Variants in SDK1 observed in about 807,000 individuals in gnomAD.
The protein encoded by SDK1 is protein sidekick-1.
Under a neutral mutation model 245.5 loss-of-function variants are expected in SDK1, and 157 were observed. The observed-to-expected ratio is 0.64, with a 90% CI of 0.56 to 0.73. SDK1 has a LOEUF of 0.73. Ranked by LOEUF, SDK1 falls within the 30% of genes least tolerant of loss-of-function variation. The pLI, the probability that SDK1 is intolerant of heterozygous loss-of-function variation, is 0.00. For synonymous variants in SDK1, 1,647 were observed against 1,278.5 expected (o/e 1.29, Z -6.15); for missense variants, 3,583 against 3,002.3 (o/e 1.19, Z -4.52).
chr7:3,555,675 A>G (rs186951869), intron 1 of SDK1, among the ~76,000 whole-genome samples: 1 of 152,334 alleles, frequency 6.6e-6, no homozygotes, highest in Non-Finnish European at 1.5e-5. Context: ...CATCCATCTG[A>G]CAAGGGATTA....
In SDK1 at chr7:4,242,916, C is replaced by T. The variant is rs951246279; in HGVS notation, c.6251+1003C>T. Reference sequence around the variant, plus strand: ...GGGTGGGCCTTCTCCCAGCCACTGACGCTCTGCCAGCCCCACAGGTGCCAG... The same window carrying T: ...GGGTGGGCCTTCTCCCAGCCACTGATGCTCTGCCAGCCCCACAGGTGCCAG... On this transcript the variant is annotated intron_variant, in intron 43 of 44. Coordinates refer to ENST00000404826, the MANE Select transcript of SDK1 (RefSeq NM_152744.4). 4.6e-5 allele frequency among the ~76,000 whole-genome samples: 7 copies of T among 152,348 alleles called. No homozygotes were observed. In the East Asian group the frequency reaches 5.8e-4, roughly 13 times the overall value.
intron 1 of SDK1, among the ~76,000 whole-genome samples, chr7:3,518,567 A>C (rs924663188): frequency 5.3e-5 from 8 of 152,166 alleles, no homozygotes; most frequent in African/African-American, 1.9e-4. Flanking sequence ...ATGAGCAACA[A>C]ATATATGAAA....
At chr7:3,896,535 G>T (rs1013880) in intron 5 of SDK1, among the ~76,000 whole-genome samples, 1 of 151,998 alleles carries the variant, frequency 6.6e-6, no homozygotes, top group Admixed American at 6.6e-5. Flanking sequence ...CTGGGCCTCC[G>T]CAGACTCTAA....
intron 5 of SDK1, among the ~76,000 whole-genome samples, chr7:3,849,612 C>T (rs1348967530): frequency 6.6e-6 from 1 of 152,114 alleles, no homozygotes; most frequent in East Asian, 1.9e-4. Context: ...TCCTGTGAGC[C>T]TTATTCTGAC....
intron 2 of SDK1, among the ~76,000 whole-genome samples, chr7:3,638,600 C>T (rs1438896553): frequency 1.7e-4 from 22 of 126,964 alleles, no homozygotes; most frequent in African/African-American, 6.8e-4. Flanking sequence ...AACATGGACA[C>T]AGGAAGGGAA....
intron 1 of SDK1, among the ~76,000 whole-genome samples, chr7:3,343,949 G>A (rs1310261820): frequency 3.4e-5 from 5 of 145,850 alleles, no homozygotes; most frequent in African/African-American, 5.1e-5. Context: ...ATTGATAAAA[G>A]ACATTTATGA....
chr7:3,881,255 C>T (rs1333949505), intron 5 of SDK1, among the ~76,000 whole-genome samples: 2 of 152,130 alleles, frequency 1.3e-5, no homozygotes, highest in African/African-American at 2.4e-5. Context: ...TCTCCCTCCC[C>T]TACCCATGCA....
In SDK1 at chr7:3,711,067, CTTATA is replaced by C. The variant is rs555002458; in HGVS notation, c.713+68967_713+68971del. Among the ~76,000 whole-genome samples the C allele has an allele frequency of 3.5e-3, 533 of 152,216 alleles. 4 individuals carry two copies. The highest frequency in any genetic ancestry group is 0.016 in the South Asian group (78 of 4,822). ...TTCATAAGGTATAATTTGATGGCAA[CTTATA>C]TTATTTTTCAGAAAGGAAAATAGTT... is the stretch of plus-strand genomic sequence containing the variant. On this transcript the variant is annotated intron_variant, in intron 4 of 44. Coordinates refer to ENST00000404826, the MANE Select transcript of SDK1 (RefSeq NM_152744.4).
Position 3,523,492 on chromosome 7 carries a change from C to T in SDK1, c.299-95588C>T, listed in dbSNP as rs544157929. ...AGTGGATTAAAATGACCTTTCTACC[C>T]CTCTCTGCCTGGTGAACGGCTGCTA... is the stretch of plus-strand genomic sequence containing the variant. On this transcript the variant is annotated intron_variant, in intron 1 of 44. Transcript: ENST00000404826. Among the ~76,000 whole-genome samples, 5 of 152,190 alleles carry T rather than the reference C, an allele frequency of 3.3e-5. No individual in the cohort carries two copies. In the East Asian group the frequency reaches 9.7e-4, roughly 29 times the overall value.
At chr7:4,241,502 T>C (rs1235290596) in intron 42 of SDK1, among the ~76,000 whole-genome samples, 1 of 152,052 alleles carries the variant, frequency 6.6e-6, no homozygotes, top group Non-Finnish European at 1.5e-5. Context: ...TCAAAAAAAG[T>C]TTATGCATTC....
intron 1 of SDK1, among the ~76,000 whole-genome samples, chr7:3,402,660 G>T (rs1369554416): frequency 6.6e-6 from 1 of 152,098 alleles, no homozygotes; most frequent in Non-Finnish European, 1.5e-5. Flanking sequence ...GGCCATTTTT[G>T]AGGTGTTTAA....
In SDK1 at chr7:4,265,669, G is replaced by C. The variant is rs146283959; in HGVS notation, c.*285G>C. ...AATGGCTTGGCACCTCCGGGGCCTGGGAGGACCTCAGACCTCCCCAGCCCT... is the reference window on the plus strand; with the variant it reads ...AATGGCTTGGCACCTCCGGGGCCTGCGAGGACCTCAGACCTCCCCAGCCCT... On this transcript the variant is annotated 3_prime_UTR_variant, in exon 45 of 45. Coordinates refer to ENST00000404826, the MANE Select transcript of SDK1 (RefSeq NM_152744.4). 5.9e-4 allele frequency: 716 copies of C among 1,209,992 alleles called. 3 individuals carry two copies. In the African/African-American group the frequency reaches 0.011, roughly 18 times the overall value. The allele number at this position is 1,209,992 out of a possible 1,614,324, so 75.0% of individuals were successfully genotyped here. A position where few individuals can be genotyped will look rare whatever the true frequency, so the allele number is the denominator to read the frequency against.
chr7:3,599,533 G>C (rs929949577), intron 1 of SDK1, among the ~76,000 whole-genome samples: 1 of 152,134 alleles, frequency 6.6e-6, no homozygotes, highest in African/African-American at 2.4e-5. Flanking sequence ...AGGTCTAAGA[G>C]TCTTTGCCTG....
chr7:3,707,361 A>G (rs1784919856), intron 4 of SDK1, among the ~76,000 whole-genome samples: 3 of 152,222 alleles, frequency 2.0e-5, no homozygotes, highest in Non-Finnish European at 4.4e-5. Flanking sequence ...TGTAGTTTTC[A>G]AGGTTCCTTT....
At chr7:3,593,753 G>C (rs1310588920) in intron 1 of SDK1, among the ~76,000 whole-genome samples, 1 of 152,142 alleles carries the variant, frequency 6.6e-6, no homozygotes, top group Non-Finnish European at 1.5e-5. Flanking sequence ...GTATACGCAA[G>C]AGGGCATATG....
At chr7:4,051,594 T>TCTCGGTGGTC in intron 18 of SDK1, 44 bp from the exon 19 acceptor site, 1 of 1,541,176 alleles carries the variant, frequency 6.5e-7, no homozygotes, top group Non-Finnish European at 8.9e-7. Context: ...TGTGGAGAAA[T>TCTCGGTGGTC]GCCATTGAAA....
At chr7:4,236,142 A>C (rs185370403) in intron 41 of SDK1, among the ~76,000 whole-genome samples, 1 of 152,300 alleles carries the variant, frequency 6.6e-6, no homozygotes, top group African/African-American at 2.4e-5. Context: ...GAGATATAGG[A>C]TAGAAGCTTC....
rs116211783 is a variant in SDK1, at chr7:3,433,157, G to A, written c.298+131273G>A. Among the ~76,000 whole-genome samples, 893 of 152,264 alleles carry A rather than the reference G, an allele frequency of 5.9e-3. 6 individuals carry two copies. Among genetic ancestry groups the A allele is most frequent in the African/African-American group, 0.02 (823 of 41,560 alleles). ...TCTAAGTGTGACAGTACGGTGTTTA[G>A]CAAGTCCAAGTGAAACCAGATGGAG... On this transcript the variant is annotated intron_variant, in intron 1 of 44. Transcript: ENST00000404826.
chr7:4,174,388 G>C, intron 33 of SDK1, 31 bp downstream of exon 33: 3 of 1,610,630 alleles, frequency 1.9e-6, no homozygotes, highest in Non-Finnish European at 2.5e-6. Flanking sequence ...CTGGTACAGG[G>C]AGGGAGGTTC....
Sources: allele counts gnomAD v4.1 joint callset (sites outside exome capture counted in the v4.1 genomes callset), GRCh38; gene constraint gnomAD v4.1.1; transcripts MANE v1.5; gene names NCBI Gene and HGNC (gene_info 2026-07-23, HGNC 2026-07-21).